Variants in DSC2 observed in about 807,000 individuals in gnomAD.
DSC2 encodes desmocollin 2.
DSC2 carries 51 observed loss-of-function variants against 87.6 expected under a neutral mutation model. The observed-to-expected ratio is 0.58, with a 90% CI of 0.46 to 0.74. DSC2 has a LOEUF of 0.74. DSC2 is among the 30% of genes least tolerant of loss of function. The pLI, the probability that DSC2 is intolerant of heterozygous loss-of-function variation, is 0.00. For missense variants in DSC2, 1,066 were observed against 1,089.5 expected (o/e 0.98, Z 0.30); for synonymous variants, 383 against 393.2 (o/e 0.97, Z 0.31).
rs1182262319 is a variant in DSC2 at position 31,067,883 on chromosome 18, C to G, written c.*132G>C. ...GTCTCTCTGTAAATGTGCATTTGAC[C>G]AAAGAGATTCCATCCAAATAATGAG... is the stretch of plus-strand genomic sequence containing the variant. On this transcript the variant is annotated 3_prime_UTR_variant, in exon 16 of 16. Coordinates refer to ENST00000280904, the MANE Select transcript of DSC2 (RefSeq NM_024422.6). 3.6e-6 allele frequency: 3 copies of G among 828,568 alleles called. No homozygotes were observed. Among genetic ancestry groups the G allele is most frequent in the Admixed American group, 4.7e-5 (2 of 42,610 alleles). 51.3% of individuals were successfully genotyped at this position (828,568 alleles called of 1,614,324 possible). A position where few individuals can be genotyped will look rare whatever the true frequency, so the allele number is the denominator to read the frequency against.
In DSC2 at chr18:31,059,933, T is replaced by C. The variant is rs1598564541; in HGVS notation, c.*8082A>G. On this transcript the variant is annotated 3_prime_UTR_variant, in exon 16 of 16. Transcript: ENST00000280904. ...TAAGCTAGGATCTTTATGTGAATTA[T>C]ATAATTTATTCCTAATTTGTCCTTA... 6 of 152,210 alleles carry C rather than the reference T, an allele frequency of 3.9e-5. No homozygotes were observed. Among genetic ancestry groups the C allele is most frequent in the Non-Finnish European group, 7.3e-5 (5 of 68,032 alleles). 9.4% of individuals were successfully genotyped at this position (152,210 alleles called of 1,614,324 possible). A position where few individuals can be genotyped will look rare whatever the true frequency, so the allele number is the denominator to read the frequency against.
At chr18:31,074,961 A>G in intron 11 of DSC2, 54 bp from the exon 12 acceptor site, 1 of 1,516,726 alleles carries the variant, frequency 6.6e-7, no homozygotes, top group Non-Finnish European at 9.0e-7. Flanking sequence ...TTCACCACAA[A>G]AGTATGCACT....
intron 13 of DSC2, 111 bp downstream of exon 13, chr18:31,071,494 G>A (rs545594432): frequency 4.0e-5 from 37 of 921,358 alleles, no homozygotes; most frequent in East Asian, 1.2e-4. Context: ...TGCAGTGAGC[G>A]GAGATCACAC....
Position 31,071,730 on chromosome 18 carries a change from G to A in DSC2, c.2000C>T (p.Thr667Ile). 6.2e-7 allele frequency: 1 copy of A among 1,613,954 alleles called. No individual in the cohort carries two copies. Among genetic ancestry groups the A allele is most frequent in the East Asian group, 2.2e-5 (1 of 44,812 alleles). ...GMSSVTSLDV[T>I]LCDCITENDC... is the part of the protein sequence containing the mutation. ...ATTTTCGGTAATGCAGTCACACAGTGTAACATCCAATGAAGTGACACTAGA... is the reference window on the plus strand; with the variant it reads ...ATTTTCGGTAATGCAGTCACACAGTATAACATCCAATGAAGTGACACTAGA... The change falls in exon 13 of 16, where the codon ACA (threonine) becomes ATA (isoleucine). Residue 667 changes from threonine (T) to isoleucine (I), a missense_variant. Coordinates refer to ENST00000280904, the MANE Select transcript of DSC2 (RefSeq NM_024422.6).
In DSC2 at chr18:31,079,769, A is replaced by T; in HGVS notation, c.1663+78T>A. The T allele has an allele frequency of 1.9e-6, 3 of 1,561,662 alleles. No individual in the cohort carries two copies. In the South Asian group the frequency reaches 3.3e-5, roughly 17 times the overall value. ...ACAGAGTGCATGTATCCAGCTTTAA[A>T]ATGTATACTGTTGGCTTAAACACTG... On this transcript the variant is annotated intron_variant, in intron 11 of 15. Coordinates refer to ENST00000280904, the MANE Select transcript of DSC2 (RefSeq NM_024422.6).
chr18:31,083,825 A>C (rs1371257963), intron 7 of DSC2, among the ~76,000 whole-genome samples: 3 of 152,192 alleles, frequency 2.0e-5, no homozygotes, highest in Non-Finnish European at 4.4e-5. Context: ...AAATATTTTA[A>C]AGTGTTTCTC....
chr18:31,083,076 G>T lies in DSC2; in HGVS notation c.943-16C>A, dbSNP rs1987284349. On this transcript the variant is annotated splice_polypyrimidine_tract_variant and intron_variant, in intron 7 of 15. Coordinates refer to ENST00000280904, the MANE Select transcript of DSC2 (RefSeq NM_024422.6). Reference sequence around the variant, plus strand: ...TGTCAATTAACTGAAAACAAAAAAAGAATTTAATTATTGGGGGAAAGCACC... The same window carrying T: ...TGTCAATTAACTGAAAACAAAAAAATAATTTAATTATTGGGGGAAAGCACC... The T allele has an allele frequency of 6.2e-7, 1 of 1,606,326 alleles. No individual in the cohort carries two copies.
At chr18:31,075,545 T>C (rs982905168) in intron 11 of DSC2, among the ~76,000 whole-genome samples, 1 of 152,208 alleles carries the variant, frequency 6.6e-6, no homozygotes, top group African/African-American at 2.4e-5. Context: ...TCTATCTGTA[T>C]ATTCAATAGA....
At chr18:31,097,266 C>T (rs111375551) in intron 1 of DSC2, among the ~76,000 whole-genome samples, 2 of 147,056 alleles carry the variant, frequency 1.4e-5, no homozygotes, top group Non-Finnish European at 3.0e-5. Flanking sequence ...CCAGCCTGGG[C>T]GACAGAGCGA....
At position 31,058,983 on chromosome 18, in the gene DSC2, G is replaced by A. The variant is rs1351568136; in HGVS notation, c.*9032C>T. The A allele has an allele frequency of 1.3e-5, 2 of 152,146 alleles. No homozygotes were observed. Among genetic ancestry groups the A allele is most frequent in the African/African-American group, 2.4e-5 (1 of 41,438 alleles). The allele number at this position is 152,146 out of a possible 1,614,324, so 9.4% of individuals were successfully genotyped here. A position where few individuals can be genotyped will look rare whatever the true frequency, so the allele number is the denominator to read the frequency against. The stretch of plus-strand genomic sequence containing the variant: ...ACACCGAACATTTACATAGAACTAT[G>A]TTCTAGCAATTTTTTAAAGCAGATG... On this transcript the variant is annotated 3_prime_UTR_variant, in exon 16 of 16. Transcript: ENST00000280904.
Position 31,074,603 on chromosome 18 carries a change from T to C in DSC2, c.1888+80A>G. The C allele has an allele frequency of 3.0e-6, 4 of 1,323,094 alleles. No homozygotes were observed. The Admixed American group carries it at 7.9e-5, about 26-fold the overall frequency. 82.0% of individuals were successfully genotyped at this position (1,323,094 alleles called of 1,614,324 possible). A position where few individuals can be genotyped will look rare whatever the true frequency, so the allele number is the denominator to read the frequency against. Reference sequence around the variant, plus strand: ...GGTGTTTCCCACATGGTGAATTTTCTCCTATTTCATACAAAAAAAAAAAAG... The same window carrying C: ...GGTGTTTCCCACATGGTGAATTTTCCCCTATTTCATACAAAAAAAAAAAAG... On this transcript the variant is annotated intron_variant, in intron 12 of 15. Coordinates refer to ENST00000280904, the MANE Select transcript of DSC2 (RefSeq NM_024422.6).
chr18:31,076,661 G>A (rs966590954), intron 11 of DSC2, among the ~76,000 whole-genome samples: 1 of 152,068 alleles, frequency 6.6e-6, no homozygotes, highest in South Asian at 2.1e-4. Context: ...AGACAGAATG[G>A]CAGAGAAGCA....
At chr18:31,094,850 C>T (rs1987714352) in intron 1 of DSC2, among the ~76,000 whole-genome samples, 1 of 152,058 alleles carries the variant, frequency 6.6e-6, no homozygotes, top group African/African-American at 2.4e-5. Context: ...GCTGCATAGC[C>T]AAGAGAGAAT....
intron 1 of DSC2, among the ~76,000 whole-genome samples, chr18:31,100,959 C>T (rs545761165): frequency 6.6e-6 from 1 of 152,254 alleles, no homozygotes; most frequent in Admixed American, 6.5e-5. Flanking sequence ...TCGGTCAAGC[C>T]TGGGAAAGGG....
In DSC2 at chr18:31,074,769, T is replaced by G. The variant is rs537381028; in HGVS notation, c.1802A>C (p.Glu601Ala). The change falls in exon 12 of 16, where the codon GAG becomes GCG. Residue 601 changes from glutamate to alanine, a missense_variant. By Grantham distance (107) the Glu-to-Ala change is moderately radical (BLOSUM62 -1). Transcript: ENST00000280904. ...GTCAAAGGGTGGGCCATGGATAGGCTCATCAGGATCAACCGCAACAATCTC... is the reference window on the plus strand; with the variant it reads ...GTCAAAGGGTGGGCCATGGATAGGCGCATCAGGATCAACCGCAACAATCTC... Reference protein sequence around the residue: ...SAEIVAVDPDEPIHGPPFDFS... With the variant: ...SAEIVAVDPDAPIHGPPFDFS... 19 of 1,614,070 alleles carry G rather than the reference T, an allele frequency of 1.2e-5. No homozygotes were observed. The African/African-American group carries it at 2.1e-4, about 18-fold the overall frequency.
At chr18:31,078,497 C>T (rs1987094921) in intron 11 of DSC2, among the ~76,000 whole-genome samples, 1 of 151,926 alleles carries the variant, frequency 6.6e-6, no homozygotes, top group South Asian at 2.1e-4. Context: ...TTTCTAATTT[C>T]AGACAGCAAT....
chr18:31,083,943 A>G (rs1243241622), intron 7 of DSC2, among the ~76,000 whole-genome samples: 1 of 152,086 alleles, frequency 6.6e-6, no homozygotes, highest in Non-Finnish European at 1.5e-5. Flanking sequence ...TCTATTTCCA[A>G]CTCCAAAAAT....
chr18:31,070,142 C>G (rs898699094), intron 14 of DSC2, among the ~76,000 whole-genome samples: 1 of 152,178 alleles, frequency 6.6e-6, no homozygotes. Context: ...TTTTCTAAAT[C>G]TTTCTTGCCC....
chr18:31,060,326 CT>C lies in DSC2; in HGVS notation c.*7688del, dbSNP rs1261591646. 1 of 152,108 alleles carries C rather than the reference CT, an allele frequency of 6.6e-6. No individual in the cohort carries two copies. Among genetic ancestry groups the C allele is most frequent in the Non-Finnish European group, 1.5e-5 (1 of 68,024 alleles). The allele number at this position is 152,108 out of a possible 1,614,324, so 9.4% of individuals were successfully genotyped here. On this transcript the variant is annotated 3_prime_UTR_variant, in exon 16 of 16. Transcript: ENST00000280904. ...TATTGACACCCTCTGCTCCTTTCAC[CT>C]CTGGCTTTCTGAGCCTCTCATTCCC... is the stretch of plus-strand genomic sequence containing the variant.
Sources: gnomAD v4.1 joint callset for allele counts (sites outside exome capture counted in the v4.1 genomes callset) on GRCh38, gnomAD v4.1.1 for gene constraint, MANE v1.5 for transcripts, NCBI Gene and HGNC (gene_info 2026-07-23, HGNC 2026-07-21) for gene names.